The following GRIN3A variants were observed in gnomAD, a reference collection of about 807,000 sequenced individuals.
The protein encoded by GRIN3A is glutamate receptor ionotropic, NMDA 3A.
GRIN3A carries 47 observed loss-of-function variants against 92.4 expected under a neutral mutation model. The observed-to-expected ratio is 0.51, with a 90% CI of 0.40 to 0.65. The LOEUF (loss-of-function observed/expected upper bound fraction) is 0.65. Ranked by LOEUF, GRIN3A falls within the 30% of genes least tolerant of loss-of-function variation. The pLI is 0.00. For missense variants in GRIN3A, 1,324 were observed against 1,393.1 expected (o/e 0.95, Z 0.79); for synonymous variants, 527 against 540.6 (o/e 0.97, Z 0.35).
rs759448579 is a variant in GRIN3A, at chr9:101,573,383, G to A, written c.3139C>T (p.Pro1047Ser). 3.1e-6 allele frequency: 5 copies of A among 1,614,054 alleles called. No homozygotes were observed. ...AGCTCTCTTCTCCTTGGAGGGAGGG[G>A]GATGTCCTGGTGGATCCGGATGCCC... is the stretch of plus-strand genomic sequence containing the variant. ...QLGIRIHQDI[P>S]LPPRRRELPA... Residue 1047 changes from proline (P) to serine (S), a missense_variant, in exon 9 of 9, where the codon CCC (proline) becomes TCC (serine). Physicochemically the swap from Pro to Ser is moderately conservative, Grantham distance 74. Transcript: ENST00000361820.
At chr9:101,660,413 G>T (rs1292632346) in intron 3 of GRIN3A, among the ~76,000 whole-genome samples, 1 of 151,696 alleles carries the variant, frequency 6.6e-6, no homozygotes, top group African/African-American at 2.4e-5. Flanking sequence ...AATCCTACTG[G>T]TCTCATGTTG....
intron 2 of GRIN3A, among the ~76,000 whole-genome samples, chr9:101,679,955 G>T (rs972670064): frequency 1.3e-5 from 2 of 152,122 alleles, no homozygotes; most frequent in African/African-American, 4.8e-5. Context: ...TATAGCTTCA[G>T]GCTGAAAGAA....
Position 101,619,631 on chromosome 9 carries a change from T to C in GRIN3A, c.2614+3687A>G, listed in dbSNP as rs1268612244. Reference sequence around the variant, plus strand: ...TTGCCAGTTAATAACAGCAATTTTATCCTAACCCAAGTACTCAGACTCCAG... The same window carrying C: ...TTGCCAGTTAATAACAGCAATTTTACCCTAACCCAAGTACTCAGACTCCAG... On this transcript the variant is annotated intron_variant, in intron 5 of 8. Coordinates refer to ENST00000361820, the MANE Select transcript of GRIN3A (RefSeq NM_133445.3). Among the ~76,000 whole-genome samples, 5 of 152,142 alleles carry C rather than the reference T, an allele frequency of 3.3e-5. No homozygotes were observed. The East Asian group carries it at 9.6e-4, about 29-fold the overall frequency.
chr9:101,604,793 GA>G (rs1828256218), intron 6 of GRIN3A, among the ~76,000 whole-genome samples: 1 of 152,170 alleles, frequency 6.6e-6, no homozygotes, highest in East Asian at 1.9e-4. Flanking sequence ...AAACTGGTCA[GA>G]AAAAACTGAC....
chr9:101,657,620 T>C (rs1829106688), intron 3 of GRIN3A, among the ~76,000 whole-genome samples: 1 of 151,860 alleles, frequency 6.6e-6, no homozygotes, highest in African/African-American at 2.4e-5. Flanking sequence ...ACAGCTTCAT[T>C]TGGAGATGTC....
At chr9:101,736,495 CT>C (rs1007073234) in intron 1 of GRIN3A, among the ~76,000 whole-genome samples, 405 of 148,688 alleles carry the variant, frequency 2.7e-3, no homozygotes, top group African/African-American at 7.9e-3. Context: ...CATTTAATTC[CT>C]TTTTTTTTTT....
chr9:101,689,306 C>T (rs936131169), intron 1 of GRIN3A, among the ~76,000 whole-genome samples: 2 of 152,116 alleles, frequency 1.3e-5, no homozygotes, highest in Non-Finnish European at 1.5e-5. Flanking sequence ...CCATAACCTC[C>T]GAATCACCCA....
At chr9:101,602,110 G>A (rs942530849) in intron 6 of GRIN3A, among the ~76,000 whole-genome samples, 10 of 152,100 alleles carry the variant, frequency 6.6e-5, no homozygotes, top group African/African-American at 2.4e-4. Flanking sequence ...TGTGTGAGAA[G>A]AGGGGCATCT....
At chr9:101,683,748 T>C (rs888297270) in intron 2 of GRIN3A, among the ~76,000 whole-genome samples, 1 of 152,030 alleles carries the variant, frequency 6.6e-6, no homozygotes, top group African/African-American at 2.4e-5. Flanking sequence ...CCTCACAATC[T>C]TCTTTTACAG....
intron 1 of GRIN3A, among the ~76,000 whole-genome samples, chr9:101,688,921 A>G (rs1345086451): frequency 6.6e-6 from 1 of 152,208 alleles, no homozygotes; most frequent in African/African-American, 2.4e-5. Flanking sequence ...CAGATGTGAG[A>G]GGCAAAAGAG....
At chr9:101,632,002 C>T (rs576965132) in intron 3 of GRIN3A, among the ~76,000 whole-genome samples, 1 of 152,314 alleles carries the variant, frequency 6.6e-6, no homozygotes, top group East Asian at 1.9e-4. Flanking sequence ...CCAAACTCCT[C>T]ACATGGCCTC....
intron 1 of GRIN3A, among the ~76,000 whole-genome samples, chr9:101,698,000 A>G (rs984253570): frequency 6.6e-6 from 1 of 152,214 alleles, no homozygotes; most frequent in Non-Finnish European, 1.5e-5. Flanking sequence ...TAAGCCACAC[A>G]TAATTGCCAT....
At chr9:101,611,838 G>A (rs1484332868) in intron 6 of GRIN3A, among the ~76,000 whole-genome samples, 2 of 152,164 alleles carry the variant, frequency 1.3e-5, no homozygotes, top group Non-Finnish European at 2.9e-5. Flanking sequence ...ATTCATATTG[G>A]TCTGGGATTA....
chr9:101,578,655 AC>A lies in GRIN3A; in HGVS notation c.2931+540del, dbSNP rs1827855231. On this transcript the variant is annotated intron_variant, in intron 7 of 8. Coordinates refer to ENST00000361820, the MANE Select transcript of GRIN3A (RefSeq NM_133445.3). ...ATATGCAAACGAGTGTGCTTGAGTC[AC>A]CAGTCTGCTTGACAGTTTCAGTTCT... is the stretch of plus-strand genomic sequence containing the variant. Among the ~76,000 whole-genome samples, 5 of 152,294 alleles carry A rather than the reference AC, an allele frequency of 3.3e-5. No individual in the cohort carries two copies. In the South Asian group the frequency reaches 1.0e-3, roughly 32 times the overall value.
intron 5 of GRIN3A, among the ~76,000 whole-genome samples, chr9:101,621,298 A>AT (rs1491160681): frequency 6.8e-6 from 1 of 147,798 alleles, no homozygotes; most frequent in East Asian, 1.9e-4. Flanking sequence ...AAAAAAAAAA[A>AT]CAATTTGTGA....
chr9:101,655,947 A>G (rs1469250108), intron 3 of GRIN3A, among the ~76,000 whole-genome samples: 1 of 151,976 alleles, frequency 6.6e-6, no homozygotes, highest in East Asian at 1.9e-4. Context: ...AGGCCTGTGT[A>G]AAAGTGTGCA....
chr9:101,706,128 G>C (rs1024905977), intron 1 of GRIN3A, among the ~76,000 whole-genome samples: 5 of 152,198 alleles, frequency 3.3e-5, no homozygotes, highest in Admixed American at 6.5e-5. Context: ...TGTCAGAACT[G>C]AGATGGAAAT....
At chr9:101,598,098 T>A (rs150575581) in intron 6 of GRIN3A, among the ~76,000 whole-genome samples, 16 of 152,336 alleles carry the variant, frequency 1.1e-4, no homozygotes, top group South Asian at 2.1e-4. Flanking sequence ...TATGTACTTT[T>A]AAATTTTTAG....
chr9:101,574,089 T>C (rs1208705923), intron 8 of GRIN3A, among the ~76,000 whole-genome samples: 1 of 151,952 alleles, frequency 6.6e-6, no homozygotes, highest in African/African-American at 2.4e-5. Context: ...TTTATGTGAG[T>C]TGAGAATGAC....
Sources: gnomAD v4.1 joint callset for allele counts (sites outside exome capture counted in the v4.1 genomes callset) on GRCh38, gnomAD v4.1.1 for gene constraint, MANE v1.5 for transcripts, NCBI Gene and HGNC (gene_info 2026-07-23, HGNC 2026-07-21) for gene names.